The following SHISA9 variants were observed in gnomAD, a reference collection of about 807,000 sequenced individuals.
SHISA9 encodes the protein shisa family member 9.
In SHISA9, 13 loss-of-function variants were observed where a neutral mutation model predicts 38.0. The ratio of observed to expected loss-of-function variants is 0.34; its 90% CI spans 0.22 to 0.54. The LOEUF (loss-of-function observed/expected upper bound fraction) is 0.54. SHISA9 is among the 20% of genes least tolerant of loss of function. The probability of loss-of-function intolerance (pLI) is 0.91; values close to 1 mark genes in which losing one functional copy is unlikely to be tolerated. For synonymous variants in SHISA9, 275 were observed against 242.0 expected, an observed-to-expected ratio of 1.14 and a Z score of -1.27; for missense variants, 538 against 575.8, an observed-to-expected ratio of 0.93 and a Z score of 0.67.
chr16:13,041,573 C>T (rs1021603413), intron 2 of SHISA9, among the ~76,000 whole-genome samples: 1 of 152,216 alleles, frequency 6.6e-6, no homozygotes, highest in Non-Finnish European at 1.5e-5. Context: ...TAGCTACCCT[C>T]TGATTTATTT....
At chr16:13,167,136 G>A (rs775309442) in intron 2 of SHISA9, among the ~76,000 whole-genome samples, 1 of 146,812 alleles carries the variant, frequency 6.8e-6, no homozygotes, top group Non-Finnish European at 1.5e-5. Flanking sequence ...GCAATGGGGC[G>A]ATCTCAGCTC....
the SHISA9 span, among the ~76,000 whole-genome samples, chr16:13,405,053 G>C: frequency 1.3e-5 from 2 of 152,146 alleles, no homozygotes; most frequent in African/African-American, 4.8e-5. Flanking sequence ...TGGTTACCTG[G>C]AATTACCCTG....
chr16:13,374,118 C>T, the SHISA9 span, among the ~76,000 whole-genome samples: 3 of 151,996 alleles, frequency 2.0e-5, no homozygotes, highest in Non-Finnish European at 2.9e-5. Context: ...AGCATTAGGC[C>T]AAAATGTCCT....
intron 2 of SHISA9, among the ~76,000 whole-genome samples, chr16:12,927,120 T>C (rs747859172): frequency 1.3e-5 from 2 of 152,186 alleles, no homozygotes; most frequent in African/African-American, 2.4e-5. Context: ...TAAAATTAAG[T>C]AACATTACTA....
chr16:12,981,718 G>A (rs2072242025), intron 2 of SHISA9, among the ~76,000 whole-genome samples: 1 of 152,152 alleles, frequency 6.6e-6, no homozygotes, highest in African/African-American at 2.4e-5. Context: ...CTCACAATGT[G>A]ACTATATTCG....
chr16:13,545,651 C>T, the SHISA9 span, among the ~76,000 whole-genome samples: 113 of 152,300 alleles, frequency 7.4e-4, no homozygotes, highest in African/African-American at 2.6e-3. Context: ...CCTGTTGCGT[C>T]CCCTGGCAGG....
chr16:13,004,943 G>GAAAAAAAAAAAAAAAAA (rs59694628), intron 2 of SHISA9, among the ~76,000 whole-genome samples: 4 of 103,756 alleles, frequency 3.9e-5, no homozygotes, highest in Non-Finnish European at 5.9e-5. Context: ...TTAAGAAAAA[G>GAAAAAAAAAAAAAAAAA]AAAAAAAAAA....
At chr16:13,200,542 C>T (rs565765331) in intron 2 of SHISA9, among the ~76,000 whole-genome samples, 2 of 152,142 alleles carry the variant, frequency 1.3e-5, no homozygotes, top group South Asian at 4.2e-4. Context: ...GCCTGACATG[C>T]CCAGGGGAAG....
the SHISA9 span, among the ~76,000 whole-genome samples, chr16:13,523,782 G>A: frequency 3.9e-5 from 6 of 152,052 alleles, no homozygotes; most frequent in Admixed American, 1.3e-4. Flanking sequence ...CCAACACTGG[G>A]GATTACAATT....
chr16:13,385,092 T>C, the SHISA9 span, among the ~76,000 whole-genome samples: 1 of 152,168 alleles, frequency 6.6e-6, no homozygotes, highest in Non-Finnish European at 1.5e-5. Flanking sequence ...TGAATTAAAA[T>C]AACAATGCGA....
At chr16:13,196,409 A>AG (rs1273806373) in intron 2 of SHISA9, among the ~76,000 whole-genome samples, 1 of 151,180 alleles carries the variant, frequency 6.6e-6, no homozygotes, top group South Asian at 2.1e-4. Context: ...AAAAAAAAAA[A>AG]AGAAAGAAAA....
the SHISA9 span, among the ~76,000 whole-genome samples, chr16:13,301,859 T>C: frequency 6.6e-6 from 1 of 152,188 alleles, no homozygotes; most frequent in Non-Finnish European, 1.5e-5. Context: ...GTCACTTTTC[T>C]CAATGTCAAA....
At chr16:13,004,009 T>G (rs982137194) in intron 2 of SHISA9, among the ~76,000 whole-genome samples, 3 of 152,172 alleles carry the variant, frequency 2.0e-5, no homozygotes, top group African/African-American at 7.2e-5. Context: ...GTTACAGAGA[T>G]GTCCTGGGTG....
the SHISA9 span, among the ~76,000 whole-genome samples, chr16:13,340,114 A>G: frequency 6.6e-6 from 1 of 152,180 alleles, no homozygotes; most frequent in South Asian, 2.1e-4. Context: ...TAAAATGTGA[A>G]CAATAATTGC....
At chr16:13,039,621 G>T (rs1052885396) in intron 2 of SHISA9, among the ~76,000 whole-genome samples, 3 of 151,874 alleles carry the variant, frequency 2.0e-5, no homozygotes, top group African/African-American at 7.3e-5. Context: ...AATTGGAGCT[G>T]CCAAACATTT....
At chr16:13,364,387 A>G in the SHISA9 span, among the ~76,000 whole-genome samples, 1 of 152,256 alleles carries the variant, frequency 6.6e-6, no homozygotes, top group Non-Finnish European at 1.5e-5. Flanking sequence ...AAAGAGAAGC[A>G]AATTTAGAAC....
At chr16:13,104,190 T>G (rs2073905218) in intron 2 of SHISA9, among the ~76,000 whole-genome samples, 1 of 152,204 alleles carries the variant, frequency 6.6e-6, no homozygotes, top group African/African-American at 2.4e-5. Context: ...CAGTCATGTC[T>G]GAATTCCAGT....
At chr16:13,208,037 C>G (rs956418515) in intron 3 of SHISA9, among the ~76,000 whole-genome samples, 22 of 152,286 alleles carry the variant, frequency 1.4e-4, no homozygotes, top group Admixed American at 1.2e-3. Context: ...ACATCCAGAG[C>G]TCTGGGAAGA....
intron 2 of SHISA9, among the ~76,000 whole-genome samples, chr16:12,963,104 T>A (rs2071932196): frequency 6.6e-6 from 1 of 152,204 alleles, no homozygotes; most frequent in South Asian, 2.1e-4. Context: ...CACAGTTGTT[T>A]CTGTTGCTTG....
Sources: gnomAD v4.1 joint callset for allele counts (sites outside exome capture counted in the v4.1 genomes callset) on GRCh38, gnomAD v4.1.1 for gene constraint, MANE v1.5 for transcripts, NCBI Gene and HGNC (gene_info 2026-07-23, HGNC 2026-07-21) for gene names.